DOCK1: variants seen among roughly 807,000 people sequenced by gnomAD.
DOCK1 encodes dedicator of cytokinesis 1.
A neutral mutation model predicts 262.7 loss-of-function variants in DOCK1; 138 were observed. The observed-to-expected ratio is 0.53, with a 90% CI of 0.46 to 0.61. The LOEUF is 0.61. Ranked by LOEUF, DOCK1 falls within the 20% of genes least tolerant of loss-of-function variation. The probability of loss-of-function intolerance (pLI) is 0.00; values close to 1 mark genes in which losing one functional copy is unlikely to be tolerated. For synonymous variants in DOCK1, 866 were observed against 867.4 expected (o/e 1.00, Z 0.03); for missense variants, 1,908 against 2,370.7 (o/e 0.80, Z 4.05).
intron 27 of DOCK1, among the ~76,000 whole-genome samples, chr10:127,222,914 C>A (rs1349255313): frequency 6.6e-6 from 1 of 152,092 alleles, no homozygotes; most frequent in Non-Finnish European, 1.5e-5. Context: ...TGGGCTCAAG[C>A]GCTCCTTCTG....
At chr10:127,127,965 C>G (rs936731612) in intron 27 of DOCK1, 2 of 382,984 alleles carry the variant, frequency 5.2e-6, no homozygotes, top group Non-Finnish European at 9.3e-6. Context: ...AAACATTTGG[C>G]TCTTGTTTTC....
chr10:127,393,882 C>A (rs2066653355), intron 38 of DOCK1, among the ~76,000 whole-genome samples: 1 of 149,704 alleles, frequency 6.7e-6, no homozygotes, highest in South Asian at 2.1e-4. Flanking sequence ...ACGTTTCCTC[C>A]TTCCCGAGCT....
chr10:127,380,455 A>G (rs1462775379), intron 36 of DOCK1, among the ~76,000 whole-genome samples: 1 of 152,198 alleles, frequency 6.6e-6, no homozygotes, highest in East Asian at 1.9e-4. Flanking sequence ...ACAGTAAGTT[A>G]TATGATCCAG....
intron 20 of DOCK1, 138 bp downstream of exon 20, chr10:127,042,852 G>T: frequency 1.0e-6 from 1 of 962,584 alleles, no homozygotes. Context: ...AGATGAATTG[G>T]GGTGGCAGAT....
chr10:127,019,615 G>A (rs1056373068), intron 13 of DOCK1, among the ~76,000 whole-genome samples: 2 of 152,166 alleles, frequency 1.3e-5, no homozygotes, highest in Non-Finnish European at 2.9e-5. Flanking sequence ...GGGCGTGGTG[G>A]CATATGCCTG....
chr10:127,101,505 G>C (rs1040254299), intron 23 of DOCK1, among the ~76,000 whole-genome samples: 12 of 152,192 alleles, frequency 7.9e-5, no homozygotes, highest in Admixed American at 7.9e-4. Flanking sequence ...GCAGAATTCT[G>C]GTTTAATCAG....
chr10:126,926,163 G>A (rs1221877764), intron 1 of DOCK1, among the ~76,000 whole-genome samples: 1 of 152,088 alleles, frequency 6.6e-6, no homozygotes, highest in Non-Finnish European at 1.5e-5. Context: ...CCTGCTACAT[G>A]GGAGTACCAT....
At chr10:127,414,874 A>G (rs151052919) in intron 43 of DOCK1, among the ~76,000 whole-genome samples, 1 of 152,242 alleles carries the variant, frequency 6.6e-6, no homozygotes, top group African/African-American at 2.4e-5. Context: ...CATCTTTCTC[A>G]CTCACCTAGT....
intron 38 of DOCK1, among the ~76,000 whole-genome samples, chr10:127,385,944 A>G (rs2066091634): frequency 6.6e-6 from 1 of 152,198 alleles, no homozygotes. Flanking sequence ...TCCCTTGATT[A>G]CATCCAAATA....
At chr10:126,974,204 C>G (rs1307450076) in intron 2 of DOCK1, among the ~76,000 whole-genome samples, 1 of 152,258 alleles carries the variant, frequency 6.6e-6, no homozygotes, top group Admixed American at 6.5e-5. Context: ...GCGTGCCAAT[C>G]CTGCTGTCGA....
intron 32 of DOCK1, among the ~76,000 whole-genome samples, chr10:127,361,163 G>T (rs181417938): frequency 1.4e-5 from 2 of 144,270 alleles, no homozygotes; most frequent in Admixed American, 1.4e-4. Context: ...GCCCAGGCTG[G>T]AGTGCACTGG....
At chr10:127,165,410 G>A (rs1324741604) in intron 27 of DOCK1, among the ~76,000 whole-genome samples, 1 of 152,154 alleles carries the variant, frequency 6.6e-6, no homozygotes, top group Non-Finnish European at 1.5e-5. Flanking sequence ...ATTTCTTGAT[G>A]TCCAGTTATG....
intron 10 of DOCK1, 47 bp downstream of exon 10, chr10:127,000,354 T>A (rs755571218): frequency 1.9e-6 from 3 of 1,597,528 alleles, no homozygotes. Context: ...ATCTTCACAG[T>A]CACTTTCAAA....
intron 27 of DOCK1, among the ~76,000 whole-genome samples, chr10:127,240,970 G>A (rs1309020933): frequency 6.6e-6 from 1 of 152,156 alleles, no homozygotes; most frequent in African/African-American, 2.4e-5. Flanking sequence ...AGCTGGGGGA[G>A]GAATATAAGG....
intron 21 of DOCK1, among the ~76,000 whole-genome samples, chr10:127,052,158 A>G (rs953561073): frequency 2.0e-5 from 3 of 152,234 alleles, no homozygotes; most frequent in Admixed American, 6.5e-5. Flanking sequence ...AACAACGTCT[A>G]CACTTAGAAA....
intron 27 of DOCK1, among the ~76,000 whole-genome samples, chr10:127,186,132 A>G (rs1479347827): frequency 6.6e-6 from 1 of 152,176 alleles, no homozygotes; most frequent in Admixed American, 6.5e-5. Context: ...GAAAAAAACA[A>G]TAGAGGGTCT....
At chr10:127,289,768 C>G (rs1455175291) in intron 29 of DOCK1, among the ~76,000 whole-genome samples, 1 of 151,892 alleles carries the variant, frequency 6.6e-6, no homozygotes, top group Non-Finnish European at 1.5e-5. Context: ...CAGACAGTAT[C>G]TCCGTTATCA....
chr10:127,394,792 G>A (rs79063267), intron 38 of DOCK1, among the ~76,000 whole-genome samples: 4,071 of 152,154 alleles, frequency 0.027, 174 homozygotes, highest in African/African-American at 0.093. Context: ...GCCCAGTGCC[G>A]TCCTGCGCCG....
intron 31 of DOCK1, among the ~76,000 whole-genome samples, chr10:127,352,289 A>G (rs2063920024): frequency 4.3e-5 from 1 of 23,058 alleles, no homozygotes; most frequent in Non-Finnish European, 7.9e-5. Context: ...GGTGGGAAGC[A>G]TCGGGGAGGG....
Sources: allele counts gnomAD v4.1 joint callset (sites outside exome capture counted in the v4.1 genomes callset), GRCh38; gene constraint gnomAD v4.1.1; transcripts MANE v1.5; gene names NCBI Gene and HGNC (gene_info 2026-07-23, HGNC 2026-07-21).